The following TRA2A variants were observed in gnomAD, a reference collection of about 807,000 sequenced individuals.
TRA2A encodes the protein transformer 2 alpha homolog.
Under a neutral mutation model 45.7 loss-of-function variants are expected in TRA2A, and 31 were observed. That is an observed-to-expected ratio of 0.68 (90% CI 0.51 to 0.92). The LOEUF is 0.92. TRA2A is among the 40% of genes least tolerant of loss of function. The probability of loss-of-function intolerance (pLI) is 0.00; values close to 1 mark genes in which losing one functional copy is unlikely to be tolerated. For synonymous variants in TRA2A, 132 were observed against 126.2 expected (o/e 1.05, Z -0.31); for missense variants, 304 against 367.5 (o/e 0.83, Z 1.41).
chr7:23,516,777 C>CA (rs139559008), intron 2 of TRA2A, among the ~76,000 whole-genome samples: 3,544 of 145,554 alleles, frequency 0.024, 52 homozygotes, highest in Middle Eastern at 0.056. Flanking sequence ...TTTTAAAAAA[C>CA]AAAAAAAAAA....
intron 1 of TRA2A, chr7:23,531,523 G>A (rs1379714897): frequency 3.5e-6 from 2 of 568,754 alleles, no homozygotes; most frequent in South Asian, 2.2e-5. Flanking sequence ...GGGGAGAAGG[G>A]AGGAAGCAAT....
intron 1 of TRA2A, among the ~76,000 whole-genome samples, chr7:23,522,970 G>C (rs759040058): frequency 6.6e-6 from 1 of 152,066 alleles, no homozygotes. Flanking sequence ...TCCCAACTTT[G>C]ACTACTATCT....
intron 3 of TRA2A, among the ~76,000 whole-genome samples, chr7:23,513,947 G>C (rs1789743033): frequency 2.0e-5 from 3 of 152,146 alleles, no homozygotes; most frequent in African/African-American, 7.2e-5. Flanking sequence ...ATAAGGAAGA[G>C]GAACAGGCTA....
chr7:23,526,139 A>G (rs1482100155), intron 1 of TRA2A, among the ~76,000 whole-genome samples: 1 of 152,204 alleles, frequency 6.6e-6, no homozygotes, highest in Non-Finnish European at 1.5e-5. Flanking sequence ...CATGTACACA[A>G]TGTTGCGGAA....
intron 4 of TRA2A, among the ~76,000 whole-genome samples, chr7:23,509,701 C>G (rs545113658): frequency 1.3e-5 from 2 of 150,590 alleles, no homozygotes; most frequent in Admixed American, 6.6e-5. Flanking sequence ...CCACTGCCCT[C>G]CAGCCTGGCA....
intron 4 of TRA2A, among the ~76,000 whole-genome samples, chr7:23,507,762 A>T (rs1789410680): frequency 6.6e-6 from 1 of 152,180 alleles, no homozygotes; most frequent in African/African-American, 2.4e-5. Flanking sequence ...TTTCCCAAAT[A>T]ATTTTCCAGT....
intron 1 of TRA2A, among the ~76,000 whole-genome samples, chr7:23,526,370 T>C (rs764325296): frequency 6.6e-6 from 1 of 152,250 alleles, no homozygotes; most frequent in Non-Finnish European, 1.5e-5. Context: ...AGTATAAGCT[T>C]GTAAAACAGA....
At chr7:23,513,784 GTC>G (rs1789736167) in intron 3 of TRA2A, among the ~76,000 whole-genome samples, 1 of 152,100 alleles carries the variant, frequency 6.6e-6, no homozygotes, top group African/African-American at 2.4e-5. Context: ...TTACTGTTGT[GTC>G]TGTTTTTTAT....
chr7:23,510,628 C>T (rs1789558023), intron 4 of TRA2A, among the ~76,000 whole-genome samples: 1 of 152,140 alleles, frequency 6.6e-6, no homozygotes, highest in Admixed American at 6.6e-5. Flanking sequence ...TGTGCCCGGC[C>T]TGCCATTTTA....
At chr7:23,511,659 G>A (rs575430424) in intron 4 of TRA2A, among the ~76,000 whole-genome samples, 5 of 152,136 alleles carry the variant, frequency 3.3e-5, no homozygotes, top group South Asian at 4.1e-4. Context: ...CAAGGCAGGA[G>A]GAACAGTTGA....
chr7:23,509,808 T>C (rs1473553113), intron 4 of TRA2A, among the ~76,000 whole-genome samples: 1 of 151,912 alleles, frequency 6.6e-6, no homozygotes, highest in East Asian at 1.9e-4. Context: ...CCAAATCACT[T>C]GAGGTCCAGA....
intron 1 of TRA2A, among the ~76,000 whole-genome samples, chr7:23,528,606 A>ATT (rs144025647): frequency 2.6e-5 from 4 of 151,938 alleles, no homozygotes; most frequent in African/African-American, 9.7e-5. Context: ...TATTTCTTCT[A>ATT]TTTTTAACAA....
chr7:23,505,584 G>GAAAAAAAAAAAAAAAA lies in TRA2A; in HGVS notation c.839-16_839-15insTTTTTTTTTTTTTTTT. ...TCAATAGCGTCCTAAAAGAGAAAAA[G>GAAAAAAAAAAAAAAAA]CAAAAAAAAAAAAAAAAAAAAAAAG... On this transcript the variant is annotated splice_polypyrimidine_tract_variant and intron_variant, in intron 7 of 7. Coordinates refer to ENST00000297071, the MANE Select transcript of TRA2A (RefSeq NM_013293.5). The GAAAAAAAAAAAAAAAA allele has an allele frequency of 5.9e-6, 1 of 168,072 alleles. No individual in the cohort carries two copies. The highest frequency in any genetic ancestry group is 1.4e-4 in the South Asian group (1 of 7,298). The allele number at this position is 168,072 out of a possible 1,614,324, so 10.4% of individuals were successfully genotyped here. A position where few individuals can be genotyped will look rare whatever the true frequency, so the allele number is the denominator to read the frequency against.
At chr7:23,518,802 A>C (rs1192487621) in intron 2 of TRA2A, among the ~76,000 whole-genome samples, 1 of 151,378 alleles carries the variant, frequency 6.6e-6, no homozygotes, top group Non-Finnish European at 1.5e-5. Flanking sequence ...CTCCTGCCTC[A>C]GCCTCCCGAG....
intron 1 of TRA2A, among the ~76,000 whole-genome samples, chr7:23,523,233 T>G (rs1790209115): frequency 6.6e-6 from 1 of 152,204 alleles, no homozygotes; most frequent in Non-Finnish European, 1.5e-5. Context: ...TTTATGCATT[T>G]ATGTATACTG....
In TRA2A at chr7:23,505,584, G is replaced by GAAAAAAA. The variant is rs368694063; in HGVS notation, c.839-16_839-15insTTTTTTT. ...TCAATAGCGTCCTAAAAGAGAAAAAGCAAAAAAAAAAAAAAAAAAAAAAAG... is the reference window on the plus strand; with the variant it reads ...TCAATAGCGTCCTAAAAGAGAAAAAGAAAAAAACAAAAAAAAAAAAAAAAAAAAAAAG... On this transcript the variant is annotated splice_polypyrimidine_tract_variant and intron_variant, in intron 7 of 7. Transcript: ENST00000297071. The GAAAAAAA allele has an allele frequency of 2.3e-4, 39 of 168,242 alleles. No homozygotes were observed. Among genetic ancestry groups the GAAAAAAA allele is most frequent in the South Asian group, 1.2e-3 (9 of 7,306 alleles). The allele number at this position is 168,242 out of a possible 1,614,324, so 10.4% of individuals were successfully genotyped here.
At chr7:23,523,840 A>G (rs1278464475) in intron 1 of TRA2A, among the ~76,000 whole-genome samples, 4 of 152,242 alleles carry the variant, frequency 2.6e-5, no homozygotes, top group African/African-American at 9.6e-5. Context: ...TAAGTTTCAC[A>G]GACTGGTTCA....
rs5882904 is a variant in TRA2A, at chr7:23,505,585, C to CAAAAAAAAAAAAAAAAAAAA, written c.839-36_839-17dup. On this transcript the variant is annotated splice_polypyrimidine_tract_variant and intron_variant, in intron 7 of 7. Transcript: ENST00000297071. ...CAATAGCGTCCTAAAAGAGAAAAAG[C>CAAAAAAAAAAAAAAAAAAAA]AAAAAAAAAAAAAAAAAAAAAAAGT... is the stretch of plus-strand genomic sequence containing the variant. The CAAAAAAAAAAAAAAAAAAAA allele has an allele frequency of 1.6e-4, 38 of 244,956 alleles. 1 individual carries two copies. The highest frequency in any genetic ancestry group is 7.1e-4 in the South Asian group (7 of 9,818). 15.2% of individuals were successfully genotyped at this position (244,956 alleles called of 1,614,324 possible).
In TRA2A at chr7:23,507,267, T is replaced by C. The variant is rs576020958; in HGVS notation, c.641+153A>G. ...GGCATGTGCCACCACACCTGGCTGA[T>C]TTTTTATTTTTTTTTAGTAGAAGCA... On this transcript the variant is annotated intron_variant, in intron 5 of 7. Coordinates refer to ENST00000297071, the MANE Select transcript of TRA2A (RefSeq NM_013293.5). 3 of 608,042 alleles carry C rather than the reference T, an allele frequency of 4.9e-6. No homozygotes were observed. The South Asian group carries it at 6.8e-5, about 14-fold the overall frequency. The allele number at this position is 608,042 out of a possible 1,614,324, so 37.7% of individuals were successfully genotyped here.
Sources: gnomAD v4.1 joint callset for allele counts (sites outside exome capture counted in the v4.1 genomes callset) on GRCh38, gnomAD v4.1.1 for gene constraint, MANE v1.5 for transcripts, NCBI Gene and HGNC (gene_info 2026-07-23, HGNC 2026-07-21) for gene names.